L2HGDH: variants seen among roughly 807,000 people sequenced by gnomAD.
The protein encoded by L2HGDH is L-2-hydroxyglutarate dehydrogenase.
In L2HGDH, 34 loss-of-function variants were observed where a neutral mutation model predicts 51.5. The ratio of observed to expected loss-of-function variants is 0.66; its 90% confidence interval spans 0.50 to 0.88. The LOEUF (loss-of-function observed/expected upper bound fraction) is 0.88. Among genes scored for constraint, L2HGDH ranks in the 40% least tolerant of loss-of-function variants. The probability of loss-of-function intolerance (pLI) is 0.00; values close to 1 mark genes in which losing one functional copy is unlikely to be tolerated. For synonymous variants in L2HGDH, 198 were observed against 197.9 expected, an observed-to-expected ratio of 1.00 and a Z score of -0.01; for missense variants, 558 against 571.9, an observed-to-expected ratio of 0.98 and a Z score of 0.25.
intron 1 of L2HGDH, 106 bp downstream of exon 1, chr14:50,311,905 C>G: frequency 6.8e-7 from 1 of 1,464,932 alleles, no homozygotes; most frequent in Non-Finnish European, 9.2e-7. Context: ...CCCCAACCTG[C>G]TCTCACCCCG....
chr14:50,267,112 T>C (rs181031674), intron 8 of L2HGDH, among the ~76,000 whole-genome samples: 2 of 152,126 alleles, frequency 1.3e-5, no homozygotes, highest in East Asian at 1.9e-4. Flanking sequence ...TTGCCAGATA[T>C]ATGAATAACT....
At chr14:50,264,023 C>T (rs1372907981) in intron 9 of L2HGDH, among the ~76,000 whole-genome samples, 1 of 151,278 alleles carries the variant, frequency 6.6e-6, no homozygotes, top group Non-Finnish European at 1.5e-5. Flanking sequence ...GATCCACCCG[C>T]CTCAGCCTCC....
rs562267791 is a variant in L2HGDH, at chr14:50,247,845, T to C, written c.1197-592A>G. 2.6e-5 allele frequency among the ~76,000 whole-genome samples: 4 copies of C among 152,244 alleles called. No homozygotes were observed. The South Asian group carries it at 8.3e-4, about 32-fold the overall frequency. ...GATCATCTTCAATTTCAAAAGATGA[T>C]AGGAAAAGCATAAAAATAAATTTAG... is the stretch of plus-strand genomic sequence containing the variant. On this transcript the variant is annotated intron_variant, in intron 9 of 9. Coordinates refer to ENST00000267436, the MANE Select transcript of L2HGDH (RefSeq NM_024884.3).
chr14:50,309,081 G>A (rs2030899714), intron 1 of L2HGDH, among the ~76,000 whole-genome samples: 1 of 152,136 alleles, frequency 6.6e-6, no homozygotes, highest in South Asian at 2.1e-4. Context: ...GCAGTTGCTG[G>A]TATTTTTTTC....
rs1326656377 is a variant in L2HGDH at position 50,243,011 on chromosome 14, C to T, written c.*4047G>A. On this transcript the variant is annotated 3_prime_UTR_variant, in exon 10 of 10. Transcript: ENST00000267436. The stretch of plus-strand genomic sequence containing the variant: ...CCGTAGGCCAGGGCCTGGCAGTATA[C>T]CCCATTCTCACCACCATCCTTTGAA... 1.0e-5 allele frequency: 10 copies of T among 985,100 alleles called. No homozygotes were observed. The Admixed American group carries it at 4.9e-4, about 49-fold the overall frequency. The allele number at this position is 985,100 out of a possible 1,614,324, so 61.0% of individuals were successfully genotyped here.
At position 50,246,513 on chromosome 14, in the gene L2HGDH, C is replaced by T. The variant is rs1888012242; in HGVS notation, c.*545G>A. On this transcript the variant is annotated 3_prime_UTR_variant, in exon 10 of 10. Coordinates refer to ENST00000267436, the MANE Select transcript of L2HGDH (RefSeq NM_024884.3). ...CCAGCCTGGAATGCAGTGTCATGAA[C>T]ATAAGCTCACTGCAGCCTAGACCTC... The T allele has an allele frequency of 8.0e-6, 1 of 124,514 alleles. No individual in the cohort carries two copies. Among genetic ancestry groups the T allele is most frequent in the African/African-American group, 3.1e-5 (1 of 31,944 alleles). 7.7% of individuals were successfully genotyped at this position (124,514 alleles called of 1,614,324 possible).
At chr14:50,277,837 A>G (rs1278657482) in intron 6 of L2HGDH, among the ~76,000 whole-genome samples, 1 of 151,070 alleles carries the variant, frequency 6.6e-6, no homozygotes, top group Non-Finnish European at 1.5e-5. Flanking sequence ...ATCTGGTGGC[A>G]GAAGTAAATC....
intron 3 of L2HGDH, among the ~76,000 whole-genome samples, chr14:50,298,489 A>G (rs2030209799): frequency 6.6e-6 from 1 of 152,028 alleles, no homozygotes; most frequent in Admixed American, 6.5e-5. Flanking sequence ...CTAATTTTGT[A>G]TTTTTAGTAG....
chr14:50,260,748 G>A (rs1384514280), intron 9 of L2HGDH, among the ~76,000 whole-genome samples: 1 of 152,102 alleles, frequency 6.6e-6, no homozygotes, highest in Non-Finnish European at 1.5e-5. Context: ...GCCCCCTACA[G>A]GACATCTGGC....
intron 4 of L2HGDH, chr14:50,287,118 A>G (rs942270055): frequency 4.4e-6 from 4 of 899,982 alleles, no homozygotes; most frequent in Middle Eastern, 5.6e-4. Flanking sequence ...AGACACAAAA[A>G]TATGTGTAAT....
intron 1 of L2HGDH, among the ~76,000 whole-genome samples, chr14:50,308,997 A>G (rs2030892596): frequency 6.8e-6 from 1 of 146,712 alleles, no homozygotes; most frequent in Non-Finnish European, 1.5e-5. Context: ...ATGCTGTGTG[A>G]AAAAAAGCCA....
intron 6 of L2HGDH, among the ~76,000 whole-genome samples, chr14:50,278,239 A>T (rs1453043449): frequency 6.6e-6 from 1 of 152,190 alleles, no homozygotes; most frequent in Non-Finnish European, 1.5e-5. Context: ...GTTAGTGGAG[A>T]TCAGTAGATA....
At chr14:50,298,411 G>T (rs1245993698) in intron 3 of L2HGDH, among the ~76,000 whole-genome samples, 1 of 151,834 alleles carries the variant, frequency 6.6e-6, no homozygotes, top group Non-Finnish European at 1.5e-5. Context: ...TGCCTCCCAG[G>T]TTCTAGCAAC....
At chr14:50,272,252 A>C (rs935733636) in intron 6 of L2HGDH, among the ~76,000 whole-genome samples, 1 of 152,266 alleles carries the variant, frequency 6.6e-6, no homozygotes. Context: ...AAAATAAAGA[A>C]TGGCAACTCT....
At chr14:50,292,815 A>G (rs1890955262) in intron 4 of L2HGDH, among the ~76,000 whole-genome samples, 1 of 151,298 alleles carries the variant, frequency 6.6e-6, no homozygotes, top group Non-Finnish European at 1.5e-5. Context: ...AACCCAGGAG[A>G]TGGAGGTTGC....
intron 1 of L2HGDH, among the ~76,000 whole-genome samples, chr14:50,304,558 G>A (rs767355170): frequency 1.7e-4 from 26 of 152,156 alleles, no homozygotes; most frequent in Non-Finnish European, 3.4e-4. Flanking sequence ...AATTAGGGCC[G>A]GGCGTGGTGG....
intron 9 of L2HGDH, among the ~76,000 whole-genome samples, chr14:50,248,441 T>C (rs1888136601): frequency 6.6e-6 from 1 of 152,262 alleles, no homozygotes; most frequent in South Asian, 2.1e-4. Context: ...AGCTATTATT[T>C]AGTAAGTGCT....
In L2HGDH at chr14:50,280,794, G is replaced by A. The variant is rs535955736; in HGVS notation, c.704-2240C>T. ...CTCCCAAAGTGCTCGGATTACAGGC[G>A]CGAGCCACTGCGCCCAGCCCTAAAA... is the stretch of plus-strand genomic sequence containing the variant. On this transcript the variant is annotated intron_variant, in intron 5 of 9. Coordinates refer to ENST00000267436, the MANE Select transcript of L2HGDH (RefSeq NM_024884.3). 4.0e-4 allele frequency among the ~76,000 whole-genome samples: 60 copies of A among 148,820 alleles called. 1 individual carries two copies. The South Asian group carries it at 8.7e-3, about 22-fold the overall frequency.
At chr14:50,253,923 G>A (rs748596004) in intron 9 of L2HGDH, among the ~76,000 whole-genome samples, 11 of 152,010 alleles carry the variant, frequency 7.2e-5, no homozygotes, top group South Asian at 2.1e-4. Flanking sequence ...AGCCAGGCAC[G>A]GAAAGACAAA....
Sources: allele counts gnomAD v4.1 joint callset (sites outside exome capture counted in the v4.1 genomes callset), GRCh38; gene constraint gnomAD v4.1.1; transcripts MANE v1.5; gene names NCBI Gene and HGNC (gene_info 2026-07-23, HGNC 2026-07-21).